Variants in ANGPT2 observed in about 807,000 individuals in gnomAD.
The protein encoded by ANGPT2 is angiopoietin 2, also known as angiopoietin-2.
A neutral mutation model predicts 62.9 loss-of-function variants in ANGPT2; 28 were observed. The observed-to-expected ratio is 0.44, with a 90% CI of 0.33 to 0.61. ANGPT2 has a LOEUF of 0.61. ANGPT2 is among the 20% of genes least tolerant of loss of function. The pLI is 0.03. For missense variants in ANGPT2, 727 were observed against 594.9 expected, an observed-to-expected ratio of 1.22 and a Z score of -2.31; for synonymous variants, 284 against 207.8, an observed-to-expected ratio of 1.37 and a Z score of -3.15.
chr8:6,531,109 C>T (rs1448683026), intron 2 of ANGPT2, among the ~76,000 whole-genome samples: 2 of 152,092 alleles, frequency 1.3e-5, no homozygotes, highest in South Asian at 2.1e-4. Context: ...CCGAGAGTCA[C>T]GACCACGGCC....
At chr8:6,527,506 C>T in intron 3 of ANGPT2, 49 bp downstream of exon 3, 1 of 1,586,734 alleles carries the variant, frequency 6.3e-7, no homozygotes, top group Non-Finnish European at 8.6e-7. Flanking sequence ...ACTTTCATAT[C>T]TGGAAAGTGT....
intron 2 of ANGPT2, among the ~76,000 whole-genome samples, chr8:6,528,043 G>A (rs560897870): frequency 1.3e-5 from 2 of 150,524 alleles, no homozygotes; most frequent in South Asian, 2.1e-4. Flanking sequence ...TTACAGGTGC[G>A]TACCACCATA....
intron 1 of ANGPT2, among the ~76,000 whole-genome samples, chr8:6,538,850 T>C (rs1820984338): frequency 6.6e-6 from 1 of 152,226 alleles, no homozygotes; most frequent in African/African-American, 2.4e-5. Context: ...CATCCACTCT[T>C]AGAATTAGTT....
chr8:6,515,969 C>T (rs1816191151), intron 5 of ANGPT2, among the ~76,000 whole-genome samples: 1 of 152,162 alleles, frequency 6.6e-6, no homozygotes, highest in Non-Finnish European at 1.5e-5. Context: ...CCTGATGCCT[C>T]ATTGCCAGTG....
Position 6,500,351 on chromosome 8 carries a change from T to C in ANGPT2, c.*2750A>G, listed in dbSNP as rs1811913745. On this transcript the variant is annotated 3_prime_UTR_variant, in exon 9 of 9. Transcript: ENST00000629816. ...TGGCTTTCCTAAATTCCACTTCAACTTTCAAATGCTTCATTGAAAAGTTCT... is the reference window on the plus strand; with the variant it reads ...TGGCTTTCCTAAATTCCACTTCAACCTTCAAATGCTTCATTGAAAAGTTCT... 6.2e-6 allele frequency: 1 copy of C among 161,912 alleles called. No individual in the cohort carries two copies. The highest frequency in any genetic ancestry group is 1.7e-4 in the South Asian group (1 of 5,798). The allele number at this position is 161,912 out of a possible 1,614,324, so 10.0% of individuals were successfully genotyped here.
intron 1 of ANGPT2, among the ~76,000 whole-genome samples, chr8:6,545,085 G>T (rs149513325): frequency 1.3e-5 from 2 of 152,158 alleles, no homozygotes; most frequent in Non-Finnish European, 2.9e-5. Context: ...CCACACCCTA[G>T]GAGTGCTTAC....
At chr8:6,515,509 A>G (rs1490219879) in intron 5 of ANGPT2, among the ~76,000 whole-genome samples, 1 of 152,154 alleles carries the variant, frequency 6.6e-6, no homozygotes, top group African/African-American at 2.4e-5. Flanking sequence ...TCTGCTCTTA[A>G]ACTGGCTCTG....
chr8:6,515,380 C>G (rs1816051526), intron 5 of ANGPT2, among the ~76,000 whole-genome samples: 1 of 152,150 alleles, frequency 6.6e-6, no homozygotes, highest in Non-Finnish European at 1.5e-5. Context: ...GCTCCAGTGT[C>G]CTGGTGCAAG....
At chr8:6,547,824 G>C (rs905300046) in intron 1 of ANGPT2, among the ~76,000 whole-genome samples, 1 of 152,068 alleles carries the variant, frequency 6.6e-6, no homozygotes, top group Admixed American at 6.5e-5. Flanking sequence ...GAAGGGAGCC[G>C]TGGCAGAGGT....
chr8:6,513,760 T>C lies in ANGPT2; in HGVS notation c.1114A>G (p.Ile372Val), dbSNP rs1198657328. The change falls in exon 7 of 9, where the codon ATA (isoleucine) becomes GTA (valine). Residue 372 changes from isoleucine (I) to valine (V), a missense_variant. By Grantham distance (29) the Ile-to-Val change is conservative. Transcript: ENST00000629816. ...TTCCCTTCCCAGTCTTTAAGGTGTA[T>C]TTTAAGCACATAGCGTTGCTGATTA... Reference protein sequence around the residue: ...LTNQQRYVLKIHLKDWEGNEA... With the variant: ...LTNQQRYVLKVHLKDWEGNEA... 6.2e-7 allele frequency: 1 copy of C among 1,613,974 alleles called. No homozygotes were observed. Among genetic ancestry groups the C allele is most frequent in the East Asian group, 2.2e-5 (1 of 44,896 alleles).
At chr8:6,561,479 C>G (rs1316722600) in intron 1 of ANGPT2, among the ~76,000 whole-genome samples, 3 of 152,220 alleles carry the variant, frequency 2.0e-5, no homozygotes, top group Non-Finnish European at 1.5e-5. Flanking sequence ...AAGATCCGTT[C>G]TGAGATTCAG....
chr8:6,520,129 C>G (rs1817034416), intron 4 of ANGPT2, 138 bp from the exon 5 acceptor site: 3 of 941,346 alleles, frequency 3.2e-6, no homozygotes, highest in East Asian at 2.6e-5. Context: ...ACTTTTTTAA[C>G]CTTTCTAGAA....
chr8:6,516,183 A>G (rs1282924516), intron 5 of ANGPT2, among the ~76,000 whole-genome samples: 1 of 152,176 alleles, frequency 6.6e-6, no homozygotes, highest in African/African-American at 2.4e-5. Flanking sequence ...GATGTAGAAA[A>G]TCAGTCTGCA....
Position 6,527,617 on chromosome 8 carries a change from G to C in ANGPT2, c.504C>G (p.Asn168Lys), listed in dbSNP as rs993973042. The C allele has an allele frequency of 8.7e-6, 14 of 1,613,752 alleles. No homozygotes were observed. Among genetic ancestry groups the C allele is most frequent in the African/African-American group, 4.0e-5 (3 of 74,890 alleles). Residue 168 changes from asparagine to lysine, a missense_variant, in exon 3 of 9, where the codon AAC becomes AAG. Physicochemically the swap from Asn to Lys is moderately conservative, Grantham distance 94. Transcript: ENST00000629816. ...LQLLEHSLST[N>K]KLEKQILDQT... is the part of the protein sequence containing the mutation. ...GGTCCAAAATCTGTTTTTCCAATTTGTTTGTCGAGAGGGAGTGTTCCAAGA... is the reference window on the plus strand; with the variant it reads ...GGTCCAAAATCTGTTTTTCCAATTTCTTTGTCGAGAGGGAGTGTTCCAAGA...
intron 1 of ANGPT2, among the ~76,000 whole-genome samples, chr8:6,540,123 C>G (rs1366034635): frequency 6.6e-6 from 1 of 152,210 alleles, no homozygotes; most frequent in African/African-American, 2.4e-5. Context: ...TGTCTGTGCT[C>G]TGGCAAATCC....
Position 6,503,129 on chromosome 8 carries a change from G to A in ANGPT2, c.1460C>T (p.Thr487Ile). 6.2e-7 allele frequency: 1 copy of A among 1,614,200 alleles called. No individual in the cohort carries two copies. The highest frequency in any genetic ancestry group is 8.5e-7 in the Non-Finnish European group (1 of 1,180,042). The change falls in exon 9 of 9, where the codon ACC (threonine) becomes ATC (isoleucine). Residue 487 changes from threonine (T) to isoleucine (I), a missense_variant. Coordinates refer to ENST00000629816, the MANE Select transcript of ANGPT2 (RefSeq NM_001118887.2). ...KGSGYSLKAT[T>I]MMIRPADF ...GAAATCTGCTGGTCGGATCATCATGGTTGTGGCCTTGAGCGAATAGCCTGA... is the reference window on the plus strand; with the variant it reads ...GAAATCTGCTGGTCGGATCATCATGATTGTGGCCTTGAGCGAATAGCCTGA...
At chr8:6,539,384 G>A (rs1989321) in intron 1 of ANGPT2, among the ~76,000 whole-genome samples, 87,791 of 151,978 alleles carry the variant, frequency 0.58, 27,594 homozygotes, top group East Asian at 0.92. Context: ...GGCCCTAGAA[G>A]TTGAGGCAAA....
chr8:6,510,734 T>C (rs1167689232), intron 7 of ANGPT2, among the ~76,000 whole-genome samples: 1 of 152,160 alleles, frequency 6.6e-6, no homozygotes, highest in African/African-American at 2.4e-5. Context: ...TAAACAGAGA[T>C]GTTTGTTTGT....
At chr8:6,553,226 C>G (rs1823975704) in intron 1 of ANGPT2, among the ~76,000 whole-genome samples, 1 of 152,140 alleles carries the variant, frequency 6.6e-6, no homozygotes, top group Non-Finnish European at 1.5e-5. Context: ...ACTCTCTGCA[C>G]TTTACTCTCG....
Sources: allele counts gnomAD v4.1 joint callset (sites outside exome capture counted in the v4.1 genomes callset), GRCh38; gene constraint gnomAD v4.1.1; transcripts MANE v1.5; gene names NCBI Gene and HGNC (gene_info 2026-07-23, HGNC 2026-07-21).